SPTSSA: variants seen among roughly 807,000 people sequenced by gnomAD.
The protein encoded by SPTSSA is serine palmitoyltransferase small subunit A.
A neutral mutation model predicts 9.1 loss-of-function variants in SPTSSA; 8 were observed. That is an observed-to-expected ratio of 0.88 (90% CI 0.51 to 1.58). SPTSSA has a LOEUF of 1.58. Among genes scored for constraint, SPTSSA ranks in the 40% most tolerant of loss-of-function variants. The pLI, the probability that SPTSSA is intolerant of heterozygous loss-of-function variation, is 0.00. For synonymous variants in SPTSSA, 42 were observed against 37.7 expected, an observed-to-expected ratio of 1.11 and a Z score of -0.41; for missense variants, 100 against 93.8, an observed-to-expected ratio of 1.07 and a Z score of -0.27.
intron 1 of SPTSSA, among the ~76,000 whole-genome samples, chr14:34,458,245 T>C (rs1594627154): frequency 6.6e-6 from 1 of 151,992 alleles, no homozygotes; most frequent in Non-Finnish European, 1.5e-5. Context: ...TAGGCTGGAG[T>C]GCAGTGGCGC....
intron 1 of SPTSSA, among the ~76,000 whole-genome samples, chr14:34,443,197 G>GT (rs1566422889): frequency 0.018 from 329 of 17,958 alleles, 67 homozygotes; most frequent in Non-Finnish European, 0.029. Flanking sequence ...TTCCTCTAGG[G>GT]GGTGTGTGTG....
intron 1 of SPTSSA, among the ~76,000 whole-genome samples, chr14:34,451,528 C>T (rs974677974): frequency 6.6e-6 from 1 of 151,878 alleles, no homozygotes; most frequent in Admixed American, 6.6e-5. Context: ...TCGAGACCGT[C>T]CTGGCTAACA....
chr14:34,451,513 G>T (rs1357875082), intron 1 of SPTSSA, among the ~76,000 whole-genome samples: 1 of 151,988 alleles, frequency 6.6e-6, no homozygotes, highest in Non-Finnish European at 1.5e-5. Flanking sequence ...CACGAGGTCA[G>T]GAGATCGAGA....
chr14:34,455,309 A>G (rs1268174492), intron 1 of SPTSSA, among the ~76,000 whole-genome samples: 1 of 151,954 alleles, frequency 6.6e-6, no homozygotes, highest in Non-Finnish European at 1.5e-5. Flanking sequence ...ATCGCTTGCA[A>G]CCAGAAGGCA....
At chr14:34,452,245 C>CAAAAAAAAAAAAAAAAAAAAA (rs532756986) in intron 1 of SPTSSA, among the ~76,000 whole-genome samples, 1 of 97,052 alleles carries the variant, frequency 1.0e-5, no homozygotes, top group Non-Finnish European at 2.3e-5. Context: ...GACTCAATCT[C>CAAAAAAAAAAAAAAAAAAAAA]AAAAAAAAAA....
At chr14:34,460,352 G>GA (rs1010852178) in intron 1 of SPTSSA, among the ~76,000 whole-genome samples, 4 of 150,134 alleles carry the variant, frequency 2.7e-5, no homozygotes, top group Non-Finnish European at 5.9e-5. Flanking sequence ...TCACCTATTT[G>GA]AAAAAAAAAT....
chr14:34,447,154 G>C (rs112137053), intron 1 of SPTSSA, among the ~76,000 whole-genome samples: 1,608 of 150,088 alleles, frequency 0.011, 31 homozygotes, highest in African/African-American at 0.038. Context: ...AATCTGTGAG[G>C]TGGAGGTTTC....
At chr14:34,444,496 G>A (rs890353541) in intron 1 of SPTSSA, among the ~76,000 whole-genome samples, 3 of 152,306 alleles carry the variant, frequency 2.0e-5, no homozygotes, top group South Asian at 2.1e-4. Context: ...GCTCACACCT[G>A]TAATCCCAGC....
At chr14:34,448,983 G>C (rs1267342160) in intron 1 of SPTSSA, among the ~76,000 whole-genome samples, 4 of 152,156 alleles carry the variant, frequency 2.6e-5, no homozygotes, top group African/African-American at 9.7e-5. Flanking sequence ...CTGGATGACA[G>C]AGTGAGACTC....
At chr14:34,449,493 C>G (rs1352045691) in intron 1 of SPTSSA, among the ~76,000 whole-genome samples, 2 of 148,834 alleles carry the variant, frequency 1.3e-5, no homozygotes, top group Non-Finnish European at 3.0e-5. Flanking sequence ...AGCCACTGCA[C>G]CCGGCCTCCC....
At position 34,462,156 on chromosome 14, in the gene SPTSSA, A is replaced by T. The variant is rs1043206248; in HGVS notation, c.52T>A (p.Tyr18Asn). 1.3e-6 allele frequency: 2 copies of T among 1,531,216 alleles called. No homozygotes were observed. The highest frequency in any genetic ancestry group is 1.8e-6 in the Non-Finnish European group (2 of 1,134,888). 94.9% of individuals were successfully genotyped at this position (1,531,216 alleles called of 1,614,324 possible). The change falls in exon 1 of 2, where the codon TAC (tyrosine) becomes AAC (asparagine). Residue 18 changes from tyrosine to asparagine, a missense_variant. Physicochemically the swap from Tyr to Asn is moderately radical, Grantham distance 143. Transcript: ENST00000298130. Reference protein sequence around the residue: ...RAWKQMSWFYYQYLLVTALYM... With the variant: ...RAWKQMSWFYNQYLLVTALYM... ...AGCGCCGTGACCAGCAGGTACTGGT[A>T]GTAGAACCAGGACATCTGCTTCCAG...
intron 1 of SPTSSA, among the ~76,000 whole-genome samples, chr14:34,459,857 T>A (rs966074602): frequency 8.5e-5 from 13 of 152,162 alleles, no homozygotes; most frequent in African/African-American, 3.1e-4. Context: ...AGACAAATTT[T>A]CAGACAGGCA....
intron 1 of SPTSSA, among the ~76,000 whole-genome samples, chr14:34,441,869 C>T (rs549578501): frequency 5.3e-5 from 8 of 151,338 alleles, no homozygotes; most frequent in East Asian, 2.0e-4. Flanking sequence ...AGTCTTTCAG[C>T]GGCTGTTTTT....
At chr14:34,453,425 G>A (rs1400384992) in intron 1 of SPTSSA, among the ~76,000 whole-genome samples, 5 of 152,216 alleles carry the variant, frequency 3.3e-5, no homozygotes, top group African/African-American at 1.2e-4. Context: ...AGGTGGCACT[G>A]GCCCTACACT....
chr14:34,452,646 T>G (rs968321243), intron 1 of SPTSSA, among the ~76,000 whole-genome samples: 4 of 152,234 alleles, frequency 2.6e-5, no homozygotes, highest in Non-Finnish European at 5.9e-5. Flanking sequence ...GGAAATGGTT[T>G]GTAGCTCTAA....
intron 1 of SPTSSA, among the ~76,000 whole-genome samples, chr14:34,451,696 C>T (rs1157726251): frequency 7.7e-6 from 1 of 129,874 alleles, no homozygotes; most frequent in Non-Finnish European, 1.5e-5. Flanking sequence ...CCTGCCTGGG[C>T]GACAGAACGA....
At chr14:34,447,883 A>G (rs78021686) in intron 1 of SPTSSA, among the ~76,000 whole-genome samples, 251 of 147,382 alleles carry the variant, frequency 1.7e-3, no homozygotes, top group Middle Eastern at 6.9e-3. Flanking sequence ...CTCGCCTAGA[A>G]ACCATCAAGC....
chr14:34,451,312 T>C (rs1183095344), intron 1 of SPTSSA, among the ~76,000 whole-genome samples: 2 of 152,200 alleles, frequency 1.3e-5, no homozygotes, highest in Non-Finnish European at 2.9e-5. Flanking sequence ...ATAATTTCAA[T>C]TATTTAAGTC....
chr14:34,446,155 T>TCC (rs1416907240), intron 1 of SPTSSA, among the ~76,000 whole-genome samples: 3 of 152,140 alleles, frequency 2.0e-5, no homozygotes, highest in African/African-American at 7.2e-5. Context: ...AGAAAGACTG[T>TCC]CCTCCCCATC....
Sources: gnomAD v4.1 joint callset for allele counts (sites outside exome capture counted in the v4.1 genomes callset) on GRCh38, gnomAD v4.1.1 for gene constraint, MANE v1.5 for transcripts, NCBI Gene and HGNC (gene_info 2026-07-23, HGNC 2026-07-21) for gene names.